FAM8A1: variants seen among roughly 807,000 people sequenced by gnomAD.
FAM8A1 encodes the protein family with sequence similarity 8 member A1.
FAM8A1 carries 18 observed loss-of-function variants against 38.3 expected under a neutral mutation model. The ratio of observed to expected loss-of-function variants is 0.47; its 90% CI spans 0.33 to 0.70. The LOEUF (loss-of-function observed/expected upper bound fraction) is 0.70, where lower values mean the gene tolerates loss of function less well. Among genes scored for constraint, FAM8A1 ranks in the 30% least tolerant of loss-of-function variants. FAM8A1 has a pLI of 0.03. For missense variants in FAM8A1, 559 were observed against 559.6 expected, an observed-to-expected ratio of 1.00 and a Z score of 0.01; for synonymous variants, 246 against 234.4, an observed-to-expected ratio of 1.05 and a Z score of -0.45.
In FAM8A1 at chr6:17,609,868, A is replaced by G. The variant is rs562377777; in HGVS notation, c.*1529A>G. 2 of 152,330 alleles carry G rather than the reference A, an allele frequency of 1.3e-5. No individual in the cohort carries two copies. The highest frequency in any genetic ancestry group is 1.9e-4 in the East Asian group (1 of 5,188). 9.4% of individuals were successfully genotyped at this position (152,330 alleles called of 1,614,324 possible). ...TTTCAAAGGTTTTTCTTTGACGTTT[A>G]AAACTGTGACAACAGATATTCACAT... On this transcript the variant is annotated 3_prime_UTR_variant, in exon 5 of 5. Transcript: ENST00000259963.
In FAM8A1 at chr6:17,609,033, T is replaced by C. The variant is rs537598403; in HGVS notation, c.*694T>C. The stretch of plus-strand genomic sequence containing the variant: ...GAAAAAGTATCAAGTCATATTGCTA[T>C]GTTAATTGGTTTTTTTTTTTAAAAG... On this transcript the variant is annotated 3_prime_UTR_variant, in exon 5 of 5. Transcript: ENST00000259963. 15 of 152,296 alleles carry C rather than the reference T, an allele frequency of 9.8e-5. No individual in the cohort carries two copies. Among genetic ancestry groups the C allele is most frequent in the African/African-American group, 3.4e-4 (14 of 41,550 alleles). 9.4% of individuals were successfully genotyped at this position (152,296 alleles called of 1,614,324 possible). A position where few individuals can be genotyped will look rare whatever the true frequency, so the allele number is the denominator to read the frequency against.
intron 4 of FAM8A1, among the ~76,000 whole-genome samples, chr6:17,607,620 A>G (rs568573160): frequency 1.5e-3 from 224 of 152,280 alleles, no homozygotes; most frequent in African/African-American, 5.2e-3. Flanking sequence ...ACTAGTCTGG[A>G]TTCAGAACCC....
chr6:17,607,043 G>A lies in FAM8A1; in HGVS notation c.1097+1030G>A, dbSNP rs568404506. 3.9e-5 allele frequency among the ~76,000 whole-genome samples: 6 copies of A among 152,134 alleles called. No individual in the cohort carries two copies. In the South Asian group the frequency reaches 6.2e-4, roughly 16 times the overall value. On this transcript the variant is annotated intron_variant, in intron 4 of 4. Coordinates refer to ENST00000259963, the MANE Select transcript of FAM8A1 (RefSeq NM_016255.3). Reference sequence around the variant, plus strand: ...TGTGAGGCTGAGGTGGGCAGATCACGAGGTCAGGAGATCGAGACCATCCTG... The same window carrying A: ...TGTGAGGCTGAGGTGGGCAGATCACAAGGTCAGGAGATCGAGACCATCCTG...
Position 17,609,478 on chromosome 6 carries a change from T to G in FAM8A1, c.*1139T>G, listed in dbSNP as rs1446166946. The G allele has an allele frequency of 2.0e-5, 3 of 152,156 alleles. No homozygotes were observed. The highest frequency in any genetic ancestry group is 4.4e-5 in the Non-Finnish European group (3 of 68,028). 9.4% of individuals were successfully genotyped at this position (152,156 alleles called of 1,614,324 possible). On this transcript the variant is annotated 3_prime_UTR_variant, in exon 5 of 5. Coordinates refer to ENST00000259963, the MANE Select transcript of FAM8A1 (RefSeq NM_016255.3). ...CAAGAGAGACTAGCATTCCCAGACA[T>G]CATTCTAGGGTCTTTAAGCTCATTT...
intron 4 of FAM8A1, among the ~76,000 whole-genome samples, chr6:17,607,188 G>C (rs1428817502): frequency 6.7e-6 from 1 of 149,910 alleles, no homozygotes; most frequent in Non-Finnish European, 1.5e-5. Context: ...GAACCCGGGA[G>C]GCAGAGCTTG....
intron 1 of FAM8A1, among the ~76,000 whole-genome samples, chr6:17,602,284 G>A (rs557548827): frequency 4.6e-5 from 7 of 152,336 alleles, no homozygotes; most frequent in African/African-American, 1.4e-4. Context: ...CAATCTGCCC[G>A]CCTCGGCCTC....
Position 17,600,478 on chromosome 6 carries a change from G to T in FAM8A1, c.69G>T (p.Glu23Asp), listed in dbSNP as rs1763964267. The T allele has an allele frequency of 2.6e-6, 4 of 1,519,430 alleles. No homozygotes were observed. In the South Asian group the frequency reaches 5.0e-5, roughly 19 times the overall value. 94.1% of individuals were successfully genotyped at this position (1,519,430 alleles called of 1,614,324 possible). A position where few individuals can be genotyped will look rare whatever the true frequency, so the allele number is the denominator to read the frequency against. ...PGQDDGGGDH[E>D]PVPSLRGPPT... ...AGGACGATGGCGGAGGGGACCACGA[G>T]CCCGTCCCTTCCCTGAGAGGCCCTC... Residue 23 changes from glutamate (E) to aspartate (D), a missense_variant, in exon 1 of 5, where the codon GAG becomes GAT. Around this residue, in one of 2 missense-constraint regions of FAM8A1, gnomAD observed 393 missense variants for 338.9 expected, o/e 1.16. Coordinates refer to ENST00000259963, the MANE Select transcript of FAM8A1 (RefSeq NM_016255.3).
In FAM8A1 at chr6:17,611,344, A is replaced by G. The variant is rs920099103; in HGVS notation, c.*3005A>G. 2.0e-5 allele frequency: 3 copies of G among 152,636 alleles called. No homozygotes were observed. Among genetic ancestry groups the G allele is most frequent in the Non-Finnish European group, 2.9e-5 (2 of 68,022 alleles). The allele number at this position is 152,636 out of a possible 1,614,324, so 9.5% of individuals were successfully genotyped here. ...AATTTACACTAGTTGCTACTTGGGA[A>G]TAAAGGGCTTTTTGAGGGGGGTATG... On this transcript the variant is annotated 3_prime_UTR_variant, in exon 5 of 5. Transcript: ENST00000259963.
At position 17,610,336 on chromosome 6, in the gene FAM8A1, T is replaced by A. The variant is rs1360324112; in HGVS notation, c.*1997T>A. The A allele has an allele frequency of 6.6e-6, 1 of 152,176 alleles. No individual in the cohort carries two copies. The highest frequency in any genetic ancestry group is 1.5e-5 in the Non-Finnish European group (1 of 68,000). 9.4% of individuals were successfully genotyped at this position (152,176 alleles called of 1,614,324 possible). A position where few individuals can be genotyped will look rare whatever the true frequency, so the allele number is the denominator to read the frequency against. The stretch of plus-strand genomic sequence containing the variant: ...CTAGTCCAGTTTAATTTTTTGTACT[T>A]AGAATATTGCACATTTTCTATATAT... On this transcript the variant is annotated 3_prime_UTR_variant, in exon 5 of 5. Coordinates refer to ENST00000259963, the MANE Select transcript of FAM8A1 (RefSeq NM_016255.3).
At chr6:17,605,472 T>C (rs1230932683) in intron 3 of FAM8A1, among the ~76,000 whole-genome samples, 1 of 151,894 alleles carries the variant, frequency 6.6e-6, no homozygotes, top group African/African-American at 2.4e-5. Flanking sequence ...TTTTCTGTTT[T>C]TTTTCCCAAA....
In FAM8A1 at chr6:17,601,007, G is replaced by A; in HGVS notation, c.598G>A (p.Ala200Thr). The A allele has an allele frequency of 6.3e-7, 1 of 1,587,416 alleles. No individual in the cohort carries two copies. The highest frequency in any genetic ancestry group is 1.1e-5 in the South Asian group (1 of 88,102). Residue 200 changes from alanine to threonine, a missense_variant, in exon 1 of 5, where the codon GCG becomes ACG. Around this residue, in one of 2 missense-constraint regions of FAM8A1, gnomAD observed 393 missense variants for 338.9 expected, o/e 1.16. Coordinates refer to ENST00000259963, the MANE Select transcript of FAM8A1 (RefSeq NM_016255.3). ...CGGCATCAGCACCCCTGCTCCAGTC[G>A]CGGGCCTGGGACCCCGGGCTCCTCA... ...AAGISTPAPV[A>T]GLGPRAPHVQ...
chr6:17,602,882 A>G (rs2113745066), intron 2 of FAM8A1, among the ~76,000 whole-genome samples, 172 bp downstream of exon 2: 1 of 152,362 alleles, frequency 6.6e-6, no homozygotes, highest in South Asian at 2.1e-4. Context: ...TTAAGAAATA[A>G]CTAGAAAGGA....
chr6:17,604,078 A>T (rs1253213323), intron 2 of FAM8A1, among the ~76,000 whole-genome samples: 1 of 151,704 alleles, frequency 6.6e-6, no homozygotes, highest in Non-Finnish European at 1.5e-5. Flanking sequence ...TTCTCTTTTT[A>T]AAATGTTTAT....
chr6:17,605,802 T>C, intron 3 of FAM8A1, 72 bp from the exon 4 acceptor site: 2 of 1,356,466 alleles, frequency 1.5e-6, no homozygotes, highest in Non-Finnish European at 2.0e-6. Context: ...TGAAATAATA[T>C]GGTGGGAAAA....
chr6:17,601,707 A>G (rs1426429869), intron 1 of FAM8A1, among the ~76,000 whole-genome samples: 2 of 152,226 alleles, frequency 1.3e-5, no homozygotes, highest in African/African-American at 2.4e-5. Flanking sequence ...TATTTAAACT[A>G]TTAGACTTTT....
chr6:17,602,153 C>G (rs527800615), intron 1 of FAM8A1, among the ~76,000 whole-genome samples: 23 of 152,204 alleles, frequency 1.5e-4, no homozygotes, highest in Non-Finnish European at 3.2e-4. Context: ...ACCTCAGCTT[C>G]CCTAGTAGCT....
Position 17,600,996 on chromosome 6 carries a change from C to G in FAM8A1, c.587C>G (p.Pro196Arg), listed in dbSNP as rs775758496. 6.3e-7 allele frequency: 1 copy of G among 1,590,050 alleles called. No homozygotes were observed. The highest frequency in any genetic ancestry group is 2.3e-5 in the East Asian group (1 of 44,024). Residue 196 changes from proline (P) to arginine (R), a missense_variant, in exon 1 of 5, where the codon CCT (proline) becomes CGT (arginine). Physicochemically the swap from Pro to Arg is moderately radical, Grantham distance 103 (BLOSUM62 -2). Coordinates refer to ENST00000259963, the MANE Select transcript of FAM8A1 (RefSeq NM_016255.3). The part of the protein sequence containing the change: ...DPRTAAGIST[P>R]APVAGLGPRA... Reference sequence around the variant, plus strand: ...CGGACAGCTGCCGGCATCAGCACCCCTGCTCCAGTCGCGGGCCTGGGACCC... The same window carrying G: ...CGGACAGCTGCCGGCATCAGCACCCGTGCTCCAGTCGCGGGCCTGGGACCC...
chr6:17,604,796 A>G (rs1581640652), intron 2 of FAM8A1, 110 bp from the exon 3 acceptor site: 2 of 819,726 alleles, frequency 2.4e-6, no homozygotes, highest in African/African-American at 1.8e-5. Flanking sequence ...GAATCTAAAG[A>G]TTAGTTTAGA....
chr6:17,611,074 A>C lies in FAM8A1; in HGVS notation c.*2735A>C, dbSNP rs542635214. ...ATCATAAAGAGTATTGCCCAACTGA[A>C]CTTTGCTCCCACTGGTTTAATAGTT... On this transcript the variant is annotated 3_prime_UTR_variant, in exon 5 of 5. Transcript: ENST00000259963. 6.6e-6 allele frequency: 1 copy of C among 152,284 alleles called. No individual in the cohort carries two copies. The highest frequency in any genetic ancestry group is 2.1e-4 in the South Asian group (1 of 4,822). The allele number at this position is 152,284 out of a possible 1,614,324, so 9.4% of individuals were successfully genotyped here. A position where few individuals can be genotyped will look rare whatever the true frequency, so the allele number is the denominator to read the frequency against.
Sources: allele counts gnomAD v4.1 joint callset (sites outside exome capture counted in the v4.1 genomes callset), GRCh38; gene constraint gnomAD v4.1.1; regional missense constraint gnomAD v4.1.1; transcripts MANE v1.5; gene names NCBI Gene and HGNC (gene_info 2026-07-23, HGNC 2026-07-21).